TNNT1: variants seen among roughly 807,000 people sequenced by gnomAD.
The protein encoded by TNNT1 is troponin T, slow skeletal muscle.
Under a neutral mutation model 50.6 loss-of-function variants are expected in TNNT1, and 53 were observed. The observed-to-expected ratio is 1.05, with a 90% CI of 0.84 to 1.32. The LOEUF (loss-of-function observed/expected upper bound fraction) is 1.32, where lower values mean the gene tolerates loss of function less well. Ranked by LOEUF, TNNT1 falls within the 40% of genes most tolerant of loss-of-function variation. The probability of loss-of-function intolerance (pLI) is 0.00; values close to 1 mark genes in which losing one functional copy is unlikely to be tolerated. For synonymous variants in TNNT1, 142 were observed against 138.0 expected (o/e 1.03, Z -0.20); for missense variants, 348 against 381.7 (o/e 0.91, Z 0.74).
chr19:55,138,624 GAGA>G lies in TNNT1; in HGVS notation c.388-553_388-551del, dbSNP rs369414587. On this transcript the variant is annotated intron_variant, in intron 9 of 13. Coordinates refer to ENST00000588981, the MANE Select transcript of TNNT1 (RefSeq NM_003283.6). ...CCTCCCAGAAAAAATCGAAATGAAG[GAGA>G]AGAAGAAATGCCTGCTTTTTCTGCA... Among the ~76,000 whole-genome samples, 582 of 152,116 alleles carry G rather than the reference GAGA, an allele frequency of 3.8e-3. 4 individuals carry two copies. The highest frequency in any genetic ancestry group is 9.3e-3 in the Admixed American group (142 of 15,276).
At chr19:55,139,025 C>G (rs187501335) in intron 9 of TNNT1, among the ~76,000 whole-genome samples, 4 of 152,116 alleles carry the variant, frequency 2.6e-5, no homozygotes, top group Admixed American at 2.0e-4. Context: ...GATGGAGTCT[C>G]GCTCTGTCAC....
intron 6 of TNNT1, 161 bp from the exon 7 acceptor site, chr19:55,142,081 A>G (rs2085468123): frequency 4.4e-6 from 3 of 685,412 alleles, no homozygotes; most frequent in Non-Finnish European, 7.8e-6. Context: ...ACACAAAAGA[A>G]GGTAAAATAC....
chr19:55,145,301 G>T, intron 6 of TNNT1: 1 of 564,248 alleles, frequency 1.8e-6, no homozygotes, highest in South Asian at 2.1e-5. Context: ...TGACCACGAT[G>T]AAGAAGAAGG....
At chr19:55,133,633 A>G (rs1466592283) in intron 13 of TNNT1, 2 of 557,840 alleles carry the variant, frequency 3.6e-6, no homozygotes, top group Admixed American at 3.1e-5. Flanking sequence ...AGCTGAGATC[A>G]CTCCACTGCA....
rs1441884552 is a variant in TNNT1 at position 55,141,082 on chromosome 19, G to C, written c.309+104C>G. The stretch of plus-strand genomic sequence containing the variant: ...TTGGGTGAATTCGCGAAAGCCTAAG[G>C]CTCAGCTCTGTACTAGGAGGAAAAC... On this transcript the variant is annotated intron_variant, in intron 8 of 13. Coordinates refer to ENST00000588981, the MANE Select transcript of TNNT1 (RefSeq NM_003283.6). The C allele has an allele frequency of 2.7e-6, 4 of 1,473,766 alleles. No individual in the cohort carries two copies. In the African/African-American group the frequency reaches 4.2e-5, roughly 15 times the overall value. The allele number at this position is 1,473,766 out of a possible 1,614,324, so 91.3% of individuals were successfully genotyped here. A position where few individuals can be genotyped will look rare whatever the true frequency, so the allele number is the denominator to read the frequency against.
intron 13 of TNNT1, 33 bp from the exon 14 acceptor site, chr19:55,132,993 G>C (rs779921061): frequency 1.9e-6 from 3 of 1,578,934 alleles, no homozygotes; most frequent in Non-Finnish European, 2.6e-6. Context: ...CAGGAAAAAG[G>C]GGCCCCTCCA....
intron 9 of TNNT1, 69 bp downstream of exon 9, chr19:55,140,814 A>C (rs977815737): frequency 1.1e-4 from 113 of 1,075,022 alleles, no homozygotes; most frequent in Middle Eastern, 3.2e-4. Flanking sequence ...TAATAATAAT[A>C]ATAATAACAA....
chr19:55,140,731 C>T lies in TNNT1; in HGVS notation c.387+152G>A, dbSNP rs149119868. The T allele has an allele frequency of 4.2e-3, 1,643 of 393,206 alleles. 25 individuals carry two copies. The highest frequency in any genetic ancestry group is 0.032 in the African/African-American group (1,558 of 48,752). 24.4% of individuals were successfully genotyped at this position (393,206 alleles called of 1,614,324 possible). On this transcript the variant is annotated intron_variant, in intron 9 of 13. Coordinates refer to ENST00000588981, the MANE Select transcript of TNNT1 (RefSeq NM_003283.6). ...GGCAGAGGTTACAGTGAGCTGAGAT[C>T]GTGCCACTGCACTCCAGCCTGGGCG... is the stretch of plus-strand genomic sequence containing the variant.
At chr19:55,140,822 CA>C in intron 9 of TNNT1, 60 bp downstream of exon 9, 1 of 1,118,800 alleles carries the variant, frequency 8.9e-7, no homozygotes, top group East Asian at 2.5e-5. Flanking sequence ...ATAATAATAA[CA>C]AAATGGGCAT....
intron 9 of TNNT1, 136 bp downstream of exon 9, chr19:55,140,747 A>G: frequency 1.8e-6 from 1 of 544,064 alleles, no homozygotes; most frequent in South Asian, 4.5e-5. Flanking sequence ...ACTGCACTCC[A>G]GCCTGGGCGA....
chr19:55,139,173 TA>T (rs764213318), intron 9 of TNNT1, among the ~76,000 whole-genome samples: 32 of 152,158 alleles, frequency 2.1e-4, no homozygotes, highest in Non-Finnish European at 3.7e-4. Flanking sequence ...CTAATTTTTG[TA>T]TTTTTAGTAC....
intron 6 of TNNT1, 162 bp downstream of exon 6, chr19:55,145,382 G>GGGA: frequency 1.5e-6 from 1 of 688,748 alleles, no homozygotes; most frequent in South Asian, 1.7e-5. Flanking sequence ...AGGGAGAGGA[G>GGGA]GGAGGAGGGA....
At chr19:55,138,271 TTCCCC>T (rs536669653) in intron 9 of TNNT1, among the ~76,000 whole-genome samples, 197 bp from the exon 10 acceptor site, 269 of 148,444 alleles carry the variant, frequency 1.8e-3, no homozygotes, top group Middle Eastern at 7.1e-3. Flanking sequence ...TACAAGTCCC[TTCCCC>T]TCTGTTTTTT....
chr19:55,147,103 A>G (rs1568849794), intron 2 of TNNT1, 23 bp downstream of exon 2: 4 of 1,613,226 alleles, frequency 2.5e-6, no homozygotes, highest in Admixed American at 1.7e-5. Context: ...GCACGCCCCA[A>G]CCCCTCCCAG....
chr19:55,138,373 G>C (rs972800775), intron 9 of TNNT1, among the ~76,000 whole-genome samples: 2 of 151,658 alleles, frequency 1.3e-5, no homozygotes, highest in Non-Finnish European at 1.5e-5. Flanking sequence ...CGCCTCCCGG[G>C]TTTAAGCAAT....
chr19:55,137,554 C>A (rs1326424314), intron 10 of TNNT1, among the ~76,000 whole-genome samples: 1 of 149,764 alleles, frequency 6.7e-6, no homozygotes, highest in African/African-American at 2.5e-5. Context: ...GCCCCGAGCC[C>A]CTCCTCCCTC....
At chr19:55,137,049 A>G in intron 11 of TNNT1, 54 bp downstream of exon 11, 1 of 1,171,870 alleles carries the variant, frequency 8.5e-7, no homozygotes, top group Non-Finnish European at 1.3e-6. Flanking sequence ...GAGCTCCTTT[A>G]TCCCCCTGTC....
rs1373469430 is a variant in TNNT1, at chr19:55,137,997, G to A, written c.465C>T (p.Ser155=). ...AGCCGCCAAAATGGGCCCCCATGTT[G>A]GACAGCACCTTCTTTTTCTTGGCAT... The part of the protein sequence containing the change: ...EDDAKKKKVL[S]NMGAHFGGYL... Residue 155 remains serine (S), a synonymous_variant, in exon 10 of 14, where the codon TCC becomes TCT. Transcript: ENST00000588981. The A allele has an allele frequency of 1.2e-6, 2 of 1,614,180 alleles. No individual in the cohort carries two copies. The highest frequency in any genetic ancestry group is 2.2e-5 in the South Asian group (2 of 91,086).
chr19:55,141,035 A>G lies in TNNT1; in HGVS notation c.310-75T>C, dbSNP rs559269475. The G allele has an allele frequency of 4.4e-6, 7 of 1,577,890 alleles. 1 individual carries two copies. The South Asian group carries it at 6.6e-5, about 15-fold the overall frequency. ...CCTTCCCCAGAGTAGGCTAATAAAC[A>G]GATTGGAGTGTGGCCACCGACTTGG... On this transcript the variant is annotated intron_variant, in intron 8 of 13. Coordinates refer to ENST00000588981, the MANE Select transcript of TNNT1 (RefSeq NM_003283.6).
Sources: allele counts gnomAD v4.1 joint callset (sites outside exome capture counted in the v4.1 genomes callset), GRCh38; gene constraint gnomAD v4.1.1; transcripts MANE v1.5; gene names NCBI Gene and HGNC (gene_info 2026-07-23, HGNC 2026-07-21).